Variants in STAMBP observed in about 807,000 individuals in gnomAD.
The protein encoded by STAMBP is STAM binding protein, also known as STAM-binding protein.
A neutral mutation model predicts 50.7 loss-of-function variants in STAMBP; 31 were observed. The ratio of observed to expected loss-of-function variants is 0.61; its 90% CI spans 0.46 to 0.83. The LOEUF is 0.83. STAMBP is among the 40% of genes least tolerant of loss of function. The probability of loss-of-function intolerance (pLI) is 0.00; values close to 1 mark genes in which losing one functional copy is unlikely to be tolerated. For missense variants in STAMBP, 472 were observed against 518.9 expected (o/e 0.91, Z 0.88); for synonymous variants, 211 against 192.4 (o/e 1.10, Z -0.80).
Position 73,861,562 on chromosome 2 carries a change from G to A in STAMBP, c.1219-641G>A, listed in dbSNP as rs189840423. ...TGAAACAGAGTCTCGCTCTGTTGCC[G>A]GGCTGGAGTGCAGTGGTATGATCTC... On this transcript the variant is annotated intron_variant, in intron 9 of 9. Transcript: ENST00000394070. Among the ~76,000 whole-genome samples the A allele has an allele frequency of 3.9e-3, 594 of 151,914 alleles. 1 individual carries two copies. The highest frequency in any genetic ancestry group is 7.0e-3 in the Non-Finnish European group (475 of 67,970).
At chr2:73,859,433 AGGTC>A (rs1193575622) in intron 8 of STAMBP, 67 bp downstream of exon 8, 2 of 1,250,068 alleles carry the variant, frequency 1.6e-6, no homozygotes, top group Admixed American at 3.4e-5. Flanking sequence ...TCAGGGGAAA[AGGTC>A]TCTATTCTTG....
chr2:73,848,031 C>T (rs374983251), intron 5 of STAMBP, among the ~76,000 whole-genome samples: 8 of 152,128 alleles, frequency 5.3e-5, no homozygotes, highest in Admixed American at 6.5e-5. Context: ...TGTGCCAAAC[C>T]GAATTCATAA....
intron 4 of STAMBP, among the ~76,000 whole-genome samples, 159 bp from the exon 5 acceptor site, chr2:73,847,228 G>A (rs556447463): frequency 2.6e-5 from 4 of 152,270 alleles, no homozygotes; most frequent in Middle Eastern, 3.4e-3. Flanking sequence ...ACTACACTCC[G>A]TGGGTATAAA....
intron 2 of STAMBP, among the ~76,000 whole-genome samples, chr2:73,832,798 C>G (rs1409874350): frequency 6.6e-6 from 1 of 152,190 alleles, no homozygotes; most frequent in Non-Finnish European, 1.5e-5. Flanking sequence ...CAGACATTAT[C>G]TGATGTTCTC....
chr2:73,853,124 G>A (rs756914062), intron 7 of STAMBP, among the ~76,000 whole-genome samples: 3 of 152,128 alleles, frequency 2.0e-5, no homozygotes, highest in Non-Finnish European at 4.4e-5. Context: ...CTCCAGAATG[G>A]TGAAGACTCG....
At chr2:73,834,393 A>C (rs573546774) in intron 2 of STAMBP, among the ~76,000 whole-genome samples, 52 of 150,388 alleles carry the variant, frequency 3.5e-4, no homozygotes, top group African/African-American at 1.3e-3. Context: ...TGTATGTATT[A>C]TGTACTATAT....
chr2:73,857,492 A>C (rs1328459674), intron 7 of STAMBP, among the ~76,000 whole-genome samples: 2 of 152,120 alleles, frequency 1.3e-5, no homozygotes, highest in Non-Finnish European at 2.9e-5. Flanking sequence ...AGAAAGTTCC[A>C]AGCCTCTTCG....
rs1364394905 is a variant in STAMBP, at chr2:73,865,590, C to T, written c.*3331C>T. The T allele has an allele frequency of 6.6e-6, 1 of 152,178 alleles. No individual in the cohort carries two copies. The highest frequency in any genetic ancestry group is 1.5e-5 in the Non-Finnish European group (1 of 68,048). 9.4% of individuals were successfully genotyped at this position (152,178 alleles called of 1,614,324 possible). A position where few individuals can be genotyped will look rare whatever the true frequency, so the allele number is the denominator to read the frequency against. On this transcript the variant is annotated 3_prime_UTR_variant, in exon 10 of 10. Coordinates refer to ENST00000394070, the MANE Select transcript of STAMBP (RefSeq NM_213622.4). ...GCTTCTAGGCCCAGCTATACATTCA[C>T]CAGCAAATCACTTAACTTCCTAAAT... is the stretch of plus-strand genomic sequence containing the variant.
chr2:73,849,539 C>G, intron 6 of STAMBP, 52 bp downstream of exon 6: 1 of 1,538,528 alleles, frequency 6.5e-7, no homozygotes, highest in African/African-American at 1.4e-5. Flanking sequence ...CTGTTTCTTC[C>G]CCTCTTGGCA....
chr2:73,868,799 A>C (rs1679070489), downstream of STAMBP, among the ~76,000 whole-genome samples: 1 of 152,106 alleles, frequency 6.6e-6, no homozygotes, highest in East Asian at 1.9e-4. Context: ...ACCTGAGCCC[A>C]GGGAGGTCAA....
chr2:73,857,764 A>AC (rs1407138551), intron 7 of STAMBP, among the ~76,000 whole-genome samples: 1 of 152,050 alleles, frequency 6.6e-6, no homozygotes, highest in African/African-American at 2.4e-5. Flanking sequence ...GCATACATCC[A>AC]CCTACCCAGG....
chr2:73,860,980 TG>T (rs1384108077), intron 9 of STAMBP, among the ~76,000 whole-genome samples: 1 of 152,200 alleles, frequency 6.6e-6, no homozygotes, highest in Non-Finnish European at 1.5e-5. Context: ...AAAGACTTCA[TG>T]GAATGATGGT....
In STAMBP at chr2:73,850,345, A is replaced by C; in HGVS notation, c.868-31A>C. 1 of 1,589,530 alleles carries C rather than the reference A, an allele frequency of 6.3e-7. No homozygotes were observed. Among genetic ancestry groups the C allele is most frequent in the Non-Finnish European group, 8.6e-7 (1 of 1,167,120 alleles). ...GAGCAGGGTTGCATGAGCACCAGGG[A>C]ATTGTGACCAGCTGTTTTCTCCTTT... On this transcript the variant is annotated intron_variant, in intron 6 of 9. Transcript: ENST00000394070. This position sits in a 1 kb window ranked among gnomAD's most constrained non-coding sequence, Gnocchi z 4.3.
chr2:73,860,134 G>T lies in STAMBP; in HGVS notation c.1201G>T (p.Asp401Tyr), dbSNP rs1197000152. 1.9e-6 allele frequency: 3 copies of T among 1,613,714 alleles called. No individual in the cohort carries two copies. The highest frequency in any genetic ancestry group is 4.5e-5 in the East Asian group (2 of 44,896). ...GAAAGGATTTCATCCACACAGCAAG[G>T]ATCCACCTCTGTTCTGTGTACGTAT... is the stretch of plus-strand genomic sequence containing the variant. ...RQKGFHPHSKDPPLFCSCSHV... is the reference protein window; with the variant it reads ...RQKGFHPHSKYPPLFCSCSHV... The change falls in exon 9 of 10, where the codon GAT becomes TAT. Residue 401 changes from aspartate (D) to tyrosine (Y), a missense_variant. Coordinates refer to ENST00000394070, the MANE Select transcript of STAMBP (RefSeq NM_213622.4).
chr2:73,851,537 T>G (rs1393132091), intron 7 of STAMBP, among the ~76,000 whole-genome samples: 1 of 152,148 alleles, frequency 6.6e-6, no homozygotes, highest in Non-Finnish European at 1.5e-5. Context: ...GGCAAGTTCC[T>G]TAAGGAGCAG....
downstream of STAMBP, among the ~76,000 whole-genome samples, chr2:73,870,613 T>G (rs1393622319): frequency 2.0e-5 from 3 of 152,218 alleles, no homozygotes; most frequent in African/African-American, 7.2e-5. Context: ...GGGTTATTGG[T>G]GGGTGACAGA....
chr2:73,831,033 C>G lies in STAMBP; in HGVS notation c.177C>G (p.Ala59=). The part of the protein sequence containing the change: ...IYSEEGNIEH[A]FILYNKYITL... ...CTGAGGAAGGCAACATTGAACATGC[C>G]TTCATCCTCTATAACAAGTATATCA... The change falls in exon 2 of 10, where the codon GCC becomes GCG. Residue 59 remains alanine, a synonymous_variant. Transcript: ENST00000394070. 6.2e-7 allele frequency: 1 copy of G among 1,614,180 alleles called. No homozygotes were observed. The highest frequency in any genetic ancestry group is 8.5e-7 in the Non-Finnish European group (1 of 1,179,986).
intron 7 of STAMBP, among the ~76,000 whole-genome samples, chr2:73,852,663 G>A (rs1051932102): frequency 3.9e-5 from 6 of 152,136 alleles, no homozygotes; most frequent in African/African-American, 1.4e-4. Flanking sequence ...AGAAGCCATA[G>A]GAGGAGGAAG....
chr2:73,844,889 G>A lies in STAMBP; in HGVS notation c.279+1G>A. On this transcript the variant is annotated splice_donor_variant, in intron 3 of 9. Transcript: ENST00000394070. LOFTEE classifies it high-confidence loss of function. ...TCCTGAAAAGAAAGACACAGTAAAG[G>A]TGGGTCTTCACTTTCATTGTTGCCC... 1 of 1,613,498 alleles carries A rather than the reference G, an allele frequency of 6.2e-7. No homozygotes were observed.
Sources: allele counts gnomAD v4.1 joint callset (sites outside exome capture counted in the v4.1 genomes callset), GRCh38; gene constraint gnomAD v4.1.1; non-coding constraint Gnocchi (gnomAD v3.1); transcripts MANE v1.5; gene names NCBI Gene and HGNC (gene_info 2026-07-23, HGNC 2026-07-21).